BAHCC1: variants seen among roughly 807,000 people sequenced by gnomAD.
The protein encoded by BAHCC1 is BAH domain and coiled-coil containing 1.
In BAHCC1, 43 loss-of-function variants were observed where a neutral mutation model predicts 88.2. The observed-to-expected ratio is 0.49, with a 90% CI of 0.38 to 0.63. The LOEUF is 0.63. Among genes scored for constraint, BAHCC1 ranks in the 20% least tolerant of loss-of-function variants. BAHCC1 has a pLI of 0.00. For synonymous variants in BAHCC1, 1,510 were observed against 745.5 expected (o/e 2.03, Z -16.71); for missense variants, 3,023 against 1,654.8 (o/e 1.83, Z -14.34).
chr17:81,419,453 G>A (rs930027864), intron 2 of BAHCC1, among the ~76,000 whole-genome samples: 2 of 152,238 alleles, frequency 1.3e-5, no homozygotes, highest in African/African-American at 2.4e-5. Context: ...CTCCCCTCCC[G>A]TCCTGCACAG....
At chr17:81,428,374 A>T (rs1452931868) in intron 3 of BAHCC1, among the ~76,000 whole-genome samples, 6 of 152,186 alleles carry the variant, frequency 3.9e-5, no homozygotes, top group Non-Finnish European at 5.9e-5. Flanking sequence ...GGGGAGCAGG[A>T]AGGGGAGGCC....
At chr17:81,460,180 C>A in intron 23 of BAHCC1, 97 bp from the exon 24 acceptor site, 1 of 673,730 alleles carries the variant, frequency 1.5e-6, no homozygotes, top group Middle Eastern at 3.9e-4. Context: ...CCCCAGAGCC[C>A]TCCCCTCACC....
rs1555659231 is a variant in BAHCC1, at chr17:81,461,221, TAAGAAGGCCGAGAGG to T, written c.6559_6573del (p.Lys2187_Arg2191del). 1 of 720,862 alleles carries T rather than the reference TAAGAAGGCCGAGAGG, an allele frequency of 1.4e-6. No homozygotes were observed. Among genetic ancestry groups the T allele is most frequent in the Non-Finnish European group, 2.5e-6 (1 of 392,448 alleles). The allele number at this position is 720,862 out of a possible 1,614,324, so 44.7% of individuals were successfully genotyped here. A position where few individuals can be genotyped will look rare whatever the true frequency, so the allele number is the denominator to read the frequency against. Reference sequence around the variant, plus strand: ...GGGGAGCCCACAAGCTGCTGCGGGCTAAGAAGGCCGAGAGGGTGGAGGCCGAGAAGGGTGGGCGGC... The same window carrying T: ...GGGGAGCCCACAAGCTGCTGCGGGCTGTGGAGGCCGAGAAGGGTGGGCGGC... On this transcript the variant is annotated inframe_deletion, in exon 26 of 28. Transcript: ENST00000675386.
At chr17:81,397,590 CGGGAGGCGCCGGCCGGGGCTG>C (rs1341405530) in intron 1 of BAHCC1, among the ~76,000 whole-genome samples, 3 of 151,802 alleles carry the variant, frequency 2.0e-5, no homozygotes, top group Non-Finnish European at 4.4e-5. Flanking sequence ...CTCCGGGGCT[CGGGAGGCGCCGGCCGGGGCTG>C]GGGGCCCCCA....
intron 2 of BAHCC1, among the ~76,000 whole-genome samples, chr17:81,416,693 C>G (rs974016700): frequency 2.0e-5 from 3 of 151,770 alleles, no homozygotes; most frequent in African/African-American, 7.3e-5. Flanking sequence ...TGAGAGCCTG[C>G]CCCCCTGGCC....
At chr17:81,416,726 C>T (rs531219950) in intron 2 of BAHCC1, among the ~76,000 whole-genome samples, 25 of 152,326 alleles carry the variant, frequency 1.6e-4, no homozygotes, top group African/African-American at 5.8e-4. Context: ...CACCTGCCTC[C>T]GCCCACCTTT....
At chr17:81,431,412 T>C in intron 3 of BAHCC1, among the ~76,000 whole-genome samples, 1 of 152,266 alleles carries the variant, frequency 6.6e-6, no homozygotes, top group Middle Eastern at 3.4e-3. Flanking sequence ...AGGGGTTTCA[T>C]CCCGTGGCCA....
rs376023348 is a variant in BAHCC1 at position 81,459,513 on chromosome 17, A to G, written c.5814A>G (p.Pro1938=). 3.8e-6 allele frequency: 3 copies of G among 779,274 alleles called. No individual in the cohort carries two copies. The highest frequency in any genetic ancestry group is 7.2e-6 in the Non-Finnish European group (3 of 417,856). The allele number at this position is 779,274 out of a possible 1,614,324, so 48.3% of individuals were successfully genotyped here. A position where few individuals can be genotyped will look rare whatever the true frequency, so the allele number is the denominator to read the frequency against. The part of the protein sequence containing the change: ...LLQEAVLDVR[P]QSSRYLPPGT... The stretch of plus-strand genomic sequence containing the variant: ...TCCTGCAGGTTCTCGATGTGCGGCC[A>G]CAGTCCAGCCGGTACCTCCCGCCCG... Residue 1938 remains proline (P), a synonymous_variant, in exon 23 of 28, where the codon CCA becomes CCG. Coordinates refer to ENST00000675386, the MANE Select transcript of BAHCC1 (RefSeq NM_001377448.1).
intron 14 of BAHCC1, among the ~76,000 whole-genome samples, chr17:81,454,866 C>T (rs2064717701): frequency 6.6e-6 from 1 of 152,166 alleles, no homozygotes; most frequent in African/African-American, 2.4e-5. Context: ...AGAGCCCTCA[C>T]CGGCCCCAGC....
chr17:81,426,284 T>TGTGGTGGGTGATGTGGTTGGGGGTGATA (rs2064197325), intron 2 of BAHCC1, among the ~76,000 whole-genome samples: 1 of 14,530 alleles, frequency 6.9e-5, no homozygotes, highest in Non-Finnish European at 1.9e-4. Flanking sequence ...TGGGGGTGAT[T>TGTGGTGGGTGATGTGGTTGGGGGTGATA]GTGGTGGGTG....
intron 2 of BAHCC1, among the ~76,000 whole-genome samples, chr17:81,413,565 A>G (rs1340594988): frequency 6.6e-6 from 1 of 152,202 alleles, no homozygotes; most frequent in Non-Finnish European, 1.5e-5. Flanking sequence ...ACGCAGGTGC[A>G]GTATCGTCTC....
chr17:81,397,178 C>G (rs1222659670), intron 1 of BAHCC1: 1 of 152,228 alleles, frequency 6.6e-6, no homozygotes, highest in Non-Finnish European at 1.5e-5. Context: ...GAAAAGCTCT[C>G]TCCAATCCGG....
In BAHCC1 at chr17:81,460,673, C is replaced by T. The variant is rs782735026; in HGVS notation, c.6169C>T (p.Pro2057Ser). 3.9e-6 allele frequency: 3 copies of T among 773,088 alleles called. No individual in the cohort carries two copies. In the African/African-American group the frequency reaches 5.1e-5, roughly 13 times the overall value. 47.9% of individuals were successfully genotyped at this position (773,088 alleles called of 1,614,324 possible). A position where few individuals can be genotyped will look rare whatever the true frequency, so the allele number is the denominator to read the frequency against. The change falls in exon 25 of 28, where the codon CCT (proline) becomes TCT (serine). Residue 2057 changes from proline to serine, a missense_variant. Physicochemically the swap from Pro to Ser is moderately conservative, Grantham distance 74. Coordinates refer to ENST00000675386, the MANE Select transcript of BAHCC1 (RefSeq NM_001377448.1). ...GGACGGCCCCGAAGCTTTGAAGACA[C>T]CTGGGAAAAAATCCATTAGCAAAGA... Reference protein sequence around the residue: ...AQDGPEALKTPGKKSISKDKA... With the variant: ...AQDGPEALKTSGKKSISKDKA...
chr17:81,441,946 T>C lies in BAHCC1; in HGVS notation c.597T>C (p.Asp199=). ...ACCCCATGGGCTCCTGCAGCCGGGATCGAGACCGGGGTGAGGCAGGCTCCC... is the reference window on the plus strand; with the variant it reads ...ACCCCATGGGCTCCTGCAGCCGGGACCGAGACCGGGGTGAGGCAGGCTCCC... ...PAHPMGSCSR[D]RDRGEAGSLQ... is the part of the protein sequence containing the mutation. Residue 199 remains aspartate (D), a synonymous_variant, in exon 5 of 28, where the codon GAT becomes GAC. Transcript: ENST00000675386. 1 of 739,890 alleles carries C rather than the reference T, an allele frequency of 1.4e-6. No individual in the cohort carries two copies. The highest frequency in any genetic ancestry group is 2.6e-6 in the Non-Finnish European group (1 of 391,628). 45.8% of individuals were successfully genotyped at this position (739,890 alleles called of 1,614,324 possible).
chr17:81,399,801 A>G lies in BAHCC1; in HGVS notation c.62A>G (p.His21Arg), dbSNP rs571740633. Residue 21 changes from histidine (H) to arginine (R), a missense_variant, in exon 2 of 28, where the codon CAC (histidine) becomes CGC (arginine). His to Arg is a conservative substitution (Grantham distance 29). Transcript: ENST00000675386. This position sits in a 1 kb window ranked among gnomAD's most constrained non-coding sequence, Gnocchi z 4.5. Reference protein sequence around the residue: ...HLLSERGSLGHRSAAAAARLA... With the variant: ...HLLSERGSLGRRSAAAAARLA... Reference sequence around the variant, plus strand: ...CTGTCGGAGCGCGGGAGCCTGGGCCACCGCAGCGCCGCTGCCGCCGCGCGT... The same window carrying G: ...CTGTCGGAGCGCGGGAGCCTGGGCCGCCGCAGCGCCGCTGCCGCCGCGCGT... The G allele has an allele frequency of 8.7e-6, 11 of 1,271,474 alleles. No homozygotes were observed. In the African/African-American group the frequency reaches 1.4e-4, roughly 16 times the overall value. The allele number at this position is 1,271,474 out of a possible 1,614,324, so 78.8% of individuals were successfully genotyped here. A position where few individuals can be genotyped will look rare whatever the true frequency, so the allele number is the denominator to read the frequency against.
intron 27 of BAHCC1, 39 bp from the exon 28 acceptor site, chr17:81,463,572 C>G: frequency 1.3e-6 from 1 of 776,918 alleles, no homozygotes; most frequent in Non-Finnish European, 2.4e-6. Context: ...GCGCACTGGC[C>G]AAGGCCGGCC....
intron 4 of BAHCC1, among the ~76,000 whole-genome samples, chr17:81,440,101 C>A (rs886296908): frequency 1.3e-5 from 2 of 152,206 alleles, no homozygotes; most frequent in Non-Finnish European, 2.9e-5. Context: ...GGACAGGCAC[C>A]CAAACCGGTC....
rs1598488941 is a variant in BAHCC1 at position 81,443,668 on chromosome 17, A to G, written c.2215+104A>G. ...CCCAGCTCCCACACCTGCCCTTGGCAGACCCTCCGAGGCCCCAGGACCAGG... is the reference window on the plus strand; with the variant it reads ...CCCAGCTCCCACACCTGCCCTTGGCGGACCCTCCGAGGCCCCAGGACCAGG... On this transcript the variant is annotated intron_variant, in intron 5 of 27. Transcript: ENST00000675386. 9.5e-6 allele frequency: 6 copies of G among 632,352 alleles called. No individual in the cohort carries two copies. The East Asian group carries it at 1.6e-4, about 17-fold the overall frequency. 39.2% of individuals were successfully genotyped at this position (632,352 alleles called of 1,614,324 possible).
chr17:81,412,539 T>G (rs975095776), intron 2 of BAHCC1, among the ~76,000 whole-genome samples: 4 of 152,210 alleles, frequency 2.6e-5, no homozygotes, highest in Admixed American at 1.3e-4. Flanking sequence ...CAGAGACCCC[T>G]TGGGGCCCGT....
Sources: allele counts gnomAD v4.1 joint callset (sites outside exome capture counted in the v4.1 genomes callset), GRCh38; gene constraint gnomAD v4.1.1; non-coding constraint Gnocchi (gnomAD v3.1); transcripts MANE v1.5; gene names NCBI Gene and HGNC (gene_info 2026-07-23, HGNC 2026-07-21).